The following FBN2 variants were observed in gnomAD, a reference collection of about 807,000 sequenced individuals.
FBN2 encodes fibrillin-2.
A neutral mutation model predicts 355.6 loss-of-function variants in FBN2; 105 were observed. The observed-to-expected ratio is 0.30, with a 90% CI of 0.25 to 0.35. The LOEUF (loss-of-function observed/expected upper bound fraction) is 0.35, where lower values mean the gene tolerates loss of function less well. FBN2 is among the 10% of genes least tolerant of loss of function. The pLI is 1.00. For missense variants in FBN2, 3,280 were observed against 3,758.7 expected (o/e 0.87, Z 3.33); for synonymous variants, 1,350 against 1,301.2 (o/e 1.04, Z -0.81).
chr5:128,300,040 C>T (rs964940443), intron 48 of FBN2, among the ~76,000 whole-genome samples: 4 of 152,204 alleles, frequency 2.6e-5, no homozygotes, highest in Non-Finnish European at 5.9e-5. Context: ...CTACTTCCTT[C>T]TGCCCTATTT....
At chr5:128,265,251 T>C (rs1399901356) in intron 62 of FBN2, among the ~76,000 whole-genome samples, 1 of 152,192 alleles carries the variant, frequency 6.6e-6, no homozygotes, top group Non-Finnish European at 1.5e-5. Flanking sequence ...GAATCTAAAT[T>C]AGATTACAAT....
intron 4 of FBN2, among the ~76,000 whole-genome samples, chr5:128,522,533 A>G (rs1326567805): frequency 6.6e-6 from 1 of 152,196 alleles, no homozygotes; most frequent in African/African-American, 2.4e-5. Context: ...GGTATTCTAC[A>G]TTCTTAATTT....
At chr5:128,536,359 C>A (rs202137624) in intron 2 of FBN2, 43 bp downstream of exon 2, 1 of 1,517,018 alleles carries the variant, frequency 6.6e-7, no homozygotes, top group South Asian at 1.1e-5. Context: ...GGAGATAGGG[C>A]CGAGTGCGCT....
intron 2 of FBN2, among the ~76,000 whole-genome samples, chr5:128,535,865 A>T (rs1260664197): frequency 2.0e-5 from 3 of 151,634 alleles, no homozygotes; most frequent in Admixed American, 1.3e-4. Flanking sequence ...CTGTCTTTTA[A>T]AAGTTTGTTA....
At chr5:128,382,210 C>G (rs923341419) in intron 11 of FBN2, among the ~76,000 whole-genome samples, 2 of 152,088 alleles carry the variant, frequency 1.3e-5, no homozygotes, top group African/African-American at 4.8e-5. Context: ...CCAAATCCAA[C>G]AGATGTTTTT....
intron 14 of FBN2, among the ~76,000 whole-genome samples, chr5:128,375,084 C>A (rs867435075): frequency 2.8e-4 from 43 of 152,178 alleles, no homozygotes; most frequent in African/African-American, 7.2e-4. Flanking sequence ...TTTTTTCACA[C>A]AAAGACACTT....
At chr5:128,465,114 C>T (rs1754673690) in intron 5 of FBN2, among the ~76,000 whole-genome samples, 193 bp from the exon 6 acceptor site, 1 of 152,176 alleles carries the variant, frequency 6.6e-6, no homozygotes, top group Non-Finnish European at 1.5e-5. Flanking sequence ...TCAATGTATT[C>T]CACACTAGAC....
intron 25 of FBN2, among the ~76,000 whole-genome samples, chr5:128,340,781 T>C (rs1750992841): frequency 6.6e-6 from 1 of 152,130 alleles, no homozygotes. Context: ...GAACAGTGCC[T>C]GTCTCATAGA....
At chr5:128,269,842 T>C (rs1729728261) in intron 62 of FBN2, among the ~76,000 whole-genome samples, 1 of 152,178 alleles carries the variant, frequency 6.6e-6, no homozygotes, top group Admixed American at 6.5e-5. Context: ...CCCATCAAAC[T>C]ACCATAAATT....
chr5:128,451,283 A>C (rs920154016), intron 6 of FBN2, among the ~76,000 whole-genome samples: 10 of 152,234 alleles, frequency 6.6e-5, no homozygotes, highest in African/African-American at 2.4e-4. Context: ...TCAGTGTCTT[A>C]TTAAAGGATA....
intron 7 of FBN2, among the ~76,000 whole-genome samples, chr5:128,413,518 C>G (rs1269561295): frequency 6.6e-6 from 1 of 152,114 alleles, no homozygotes; most frequent in African/African-American, 2.4e-5. Context: ...AAAAGGAAAT[C>G]CAATCTAAAC....
At chr5:128,519,480 T>A in intron 4 of FBN2, 112 bp from the exon 5 acceptor site, 1 of 767,740 alleles carries the variant, frequency 1.3e-6, no homozygotes, top group South Asian at 1.5e-5. Flanking sequence ...GTACATTATG[T>A]TAATTAAACT....
chr5:128,476,412 G>A (rs1581329647), intron 5 of FBN2, among the ~76,000 whole-genome samples: 1 of 151,918 alleles, frequency 6.6e-6, no homozygotes, highest in East Asian at 1.9e-4. Context: ...AATAAAATGA[G>A]TAGAAAATAA....
intron 46 of FBN2, among the ~76,000 whole-genome samples, chr5:128,302,116 T>A (rs1186699093): frequency 6.6e-6 from 1 of 152,198 alleles, no homozygotes; most frequent in African/African-American, 2.4e-5. Flanking sequence ...TTAGCTCTAC[T>A]TTTTTTCACA....
intron 5 of FBN2, among the ~76,000 whole-genome samples, chr5:128,501,317 T>G (rs1381819262): frequency 6.6e-6 from 1 of 152,202 alleles, no homozygotes; most frequent in Non-Finnish European, 1.5e-5. Context: ...CCAGCTGTGC[T>G]CTTCCTTTCC....
intron 5 of FBN2, among the ~76,000 whole-genome samples, chr5:128,481,499 T>C (rs1199541803): frequency 1.3e-5 from 2 of 152,300 alleles, no homozygotes; most frequent in South Asian, 2.1e-4. Flanking sequence ...TGTGAACTTA[T>C]GGGAGAGGCT....
chr5:128,455,214 T>C (rs1754349293), intron 6 of FBN2, among the ~76,000 whole-genome samples: 1 of 152,176 alleles, frequency 6.6e-6, no homozygotes, highest in Non-Finnish European at 1.5e-5. Context: ...ATATTTAAAG[T>C]TCACAAATAT....
chr5:128,504,312 G>A (rs1755896448), intron 5 of FBN2, among the ~76,000 whole-genome samples: 1 of 152,182 alleles, frequency 6.6e-6, no homozygotes, highest in Non-Finnish European at 1.5e-5. Context: ...TAGTGGAGCT[G>A]TGAGAAGAGG....
intron 5 of FBN2, among the ~76,000 whole-genome samples, chr5:128,492,790 C>T (rs1464513757): frequency 7.1e-5 from 7 of 98,348 alleles, no homozygotes; most frequent in East Asian, 2.7e-4. Context: ...GCAACAAGAG[C>T]GAAACTCCAT....
Sources: gnomAD v4.1 joint callset for allele counts (sites outside exome capture counted in the v4.1 genomes callset) on GRCh38, gnomAD v4.1.1 for gene constraint, MANE v1.5 for transcripts, NCBI Gene and HGNC (gene_info 2026-07-23, HGNC 2026-07-21) for gene names.